Variants in DPP6 observed in about 807,000 individuals in gnomAD.
The protein encoded by DPP6 is A-type potassium channel modulatory protein DPP6.
A neutral mutation model predicts 122.6 loss-of-function variants in DPP6; 69 were observed. The ratio of observed to expected loss-of-function variants is 0.56; its 90% CI spans 0.46 to 0.69. DPP6 has a LOEUF of 0.69. DPP6 is among the 30% of genes least tolerant of loss of function. DPP6 has a pLI of 0.00. For synonymous variants in DPP6, 418 were observed against 433.1 expected, an observed-to-expected ratio of 0.97 and a Z score of 0.43; for missense variants, 928 against 1,116.9, an observed-to-expected ratio of 0.83 and a Z score of 2.41.
At chr7:154,882,411 TTAGA>T (rs1410047352) in intron 21 of DPP6, among the ~76,000 whole-genome samples, 2 of 152,250 alleles carry the variant, frequency 1.3e-5, no homozygotes, top group African/African-American at 2.4e-5. Context: ...TTAACAAGCC[TTAGA>T]TAGAGGTCCG....
intron 1 of DPP6, among the ~76,000 whole-genome samples, chr7:154,198,372 C>T (rs1397576902): frequency 2.0e-5 from 3 of 151,988 alleles, no homozygotes; most frequent in Admixed American, 6.5e-5. Flanking sequence ...AGTGCAGTGG[C>T]GTGATCTCTA....
intron 7 of DPP6, among the ~76,000 whole-genome samples, chr7:154,714,464 A>G (rs757893059): frequency 3.9e-5 from 6 of 152,230 alleles, no homozygotes; most frequent in Non-Finnish European, 8.8e-5. Flanking sequence ...ACGGTTCTGC[A>G]TGGCTAGGGA....
At chr7:154,088,883 C>T (rs1804615549) in intron 1 of DPP6, among the ~76,000 whole-genome samples, 1 of 152,124 alleles carries the variant, frequency 6.6e-6, no homozygotes, top group South Asian at 2.1e-4. Flanking sequence ...AAATTTAAAA[C>T]AGTTGCTCTG....
At chr7:153,935,646 C>T (rs753873069) in intron 1 of DPP6, among the ~76,000 whole-genome samples, 7 of 152,168 alleles carry the variant, frequency 4.6e-5, no homozygotes, top group Non-Finnish European at 8.8e-5. Flanking sequence ...GGGAGGTGTG[C>T]GACCTTGGTC....
chr7:154,549,547 T>G (rs1829473616), intron 4 of DPP6, among the ~76,000 whole-genome samples: 2 of 152,184 alleles, frequency 1.3e-5, no homozygotes, highest in Admixed American at 1.3e-4. Flanking sequence ...GTGACTTAAT[T>G]TGGAAGTTTG....
intron 1 of DPP6, among the ~76,000 whole-genome samples, chr7:154,043,393 CAAAAAAAAAAAAAAAAAAAAAAAAA>C (rs58641655): frequency 6.8e-4 from 4 of 5,904 alleles, no homozygotes; most frequent in East Asian, 5.4e-3. Context: ...AACTCCATCT[CAAAAAAAAAAAAAAAAAAAAAAAAA>C]AAAAAAAAAA....
At chr7:154,574,893 G>C (rs1470585588) in intron 5 of DPP6, among the ~76,000 whole-genome samples, 2 of 144,458 alleles carry the variant, frequency 1.4e-5, no homozygotes, top group East Asian at 2.3e-4. Context: ...TGTGGTGTGT[G>C]TATATGTGTG....
chr7:154,395,092 A>G (rs1814966841), intron 1 of DPP6, among the ~76,000 whole-genome samples: 1 of 152,230 alleles, frequency 6.6e-6, no homozygotes, highest in African/African-American at 2.4e-5. Context: ...AGATTAAGGC[A>G]CTGGCAGATT....
At chr7:153,867,084 G>T in the DPP6 span, among the ~76,000 whole-genome samples, 4 of 152,208 alleles carry the variant, frequency 2.6e-5, no homozygotes, top group Non-Finnish European at 5.9e-5. Flanking sequence ...CAGGTAGCGT[G>T]ATGCCTCCAG....
At chr7:153,839,813 C>T in the DPP6 span, among the ~76,000 whole-genome samples, 2 of 152,208 alleles carry the variant, frequency 1.3e-5, no homozygotes, top group Non-Finnish European at 2.9e-5. Context: ...GTTTCTGATT[C>T]AGAAAATCTA....
At chr7:154,423,565 T>TA in intron 1 of DPP6, among the ~76,000 whole-genome samples, 1 of 152,286 alleles carries the variant, frequency 6.6e-6, no homozygotes, top group South Asian at 2.1e-4. Context: ...AAGGCCTAGT[T>TA]AAAAAAGGAT....
chr7:154,014,538 C>T (rs1236403178), intron 1 of DPP6, among the ~76,000 whole-genome samples: 1 of 151,698 alleles, frequency 6.6e-6, no homozygotes, highest in African/African-American at 2.4e-5. Context: ...GCGTGTAGTC[C>T]CAGCTACTTG....
At chr7:154,610,707 C>CTG (rs10525265) in intron 5 of DPP6, among the ~76,000 whole-genome samples, 2,053 of 121,980 alleles carry the variant, frequency 0.017, 52 homozygotes, top group African/African-American at 0.054. Context: ...GTGTTGTTCT[C>CTG]TGTGTGTGTG....
chr7:153,904,028 G>C (rs2129000021), intron 1 of DPP6, among the ~76,000 whole-genome samples: 1 of 152,216 alleles, frequency 6.6e-6, no homozygotes, highest in East Asian at 1.9e-4. Context: ...TTGCTAACTA[G>C]CGATCTAAGA....
chr7:154,122,810 C>G (rs1372714097), intron 1 of DPP6, among the ~76,000 whole-genome samples: 1 of 152,246 alleles, frequency 6.6e-6, no homozygotes, highest in East Asian at 1.9e-4. Flanking sequence ...AGACCCTTCC[C>G]CCTCTGGCCA....
chr7:154,331,760 T>A (rs1197393464), intron 1 of DPP6, among the ~76,000 whole-genome samples: 1 of 152,124 alleles, frequency 6.6e-6, no homozygotes. Context: ...AATATAGAGA[T>A]CTCGTGAAAA....
At chr7:153,801,715 T>C in the DPP6 span, among the ~76,000 whole-genome samples, 26 of 152,138 alleles carry the variant, frequency 1.7e-4, no homozygotes, top group Non-Finnish European at 3.5e-4. Flanking sequence ...TGCTAAACTT[T>C]TTTGGAGGAC....
intron 1 of DPP6, among the ~76,000 whole-genome samples, chr7:154,029,934 G>A (rs1373692831): frequency 1.3e-5 from 2 of 152,030 alleles, no homozygotes; most frequent in African/African-American, 2.4e-5. Context: ...GGTGGCTCAC[G>A]CCTGTAATCC....
At position 154,062,810 on chromosome 7, in the gene DPP6, A is replaced by C. The variant is rs1159317730; in HGVS notation, c.243+9747A>C. ...CTGGCTCTTAGGACCCCCATCGCAG[A>C]GGGGGGAGGCACCCCCCGCGAGGCG... On this transcript the variant is annotated intron_variant, in intron 1 of 25. Coordinates refer to ENST00000377770, the MANE Select transcript of DPP6 (RefSeq NM_130797.4). Among the ~76,000 whole-genome samples the C allele has an allele frequency of 7.4e-5, 6 of 80,558 alleles. No individual in the cohort carries two copies. The East Asian group carries it at 1.9e-3, about 26-fold the overall frequency. 52.8% of individuals were successfully genotyped at this position (80,558 alleles called of 152,430 possible). A position where few individuals can be genotyped will look rare whatever the true frequency, so the allele number is the denominator to read the frequency against.
Sources: gnomAD v4.1 joint callset for allele counts (sites outside exome capture counted in the v4.1 genomes callset) on GRCh38, gnomAD v4.1.1 for gene constraint, MANE v1.5 for transcripts, NCBI Gene and HGNC (gene_info 2026-07-23, HGNC 2026-07-21) for gene names.